The following FCRLB variants were observed in gnomAD, a reference collection of about 807,000 sequenced individuals.
FCRLB encodes Fc receptor-like B.
A neutral mutation model predicts 33.6 loss-of-function variants in FCRLB; 34 were observed. That is an observed-to-expected ratio of 1.01 (90% CI 0.77 to 1.35). FCRLB has a LOEUF of 1.35. Ranked by LOEUF, FCRLB falls within the 40% of genes most tolerant of loss-of-function variation. The pLI is 0.00. For missense variants in FCRLB, 560 were observed against 580.2 expected (o/e 0.97, Z 0.36); for synonymous variants, 280 against 255.9 (o/e 1.09, Z -0.90).
At position 161,725,887 on chromosome 1, in the gene FCRLB, G is replaced by A. The variant is rs1231208478; in HGVS notation, c.374G>A (p.Arg125His). ...GGTGAGCCGCTAGTCCTGCGCTGCC[G>A]CGGCTGGTACGACAAGGTGGTCTAC... Residue 125 changes from arginine (R) to histidine (H), a missense_variant, in exon 6 of 8, where the codon CGC becomes CAC. Coordinates refer to ENST00000367948, the Ensembl canonical transcript of FCRLB. The A allele has an allele frequency of 1.2e-6, 2 of 1,614,190 alleles. No homozygotes were observed. The highest frequency in any genetic ancestry group is 2.7e-5 in the African/African-American group (2 of 75,052).
At chr1:161,725,432 G>A (rs1440835827) in intron 5 of FCRLB, among the ~76,000 whole-genome samples, 1 of 152,174 alleles carries the variant, frequency 6.6e-6, no homozygotes, top group Non-Finnish European at 1.5e-5. Context: ...CCTGAGGTCA[G>A]GAGTTCAAGA....
At chr1:161,727,861 A>T in exon 8 of FCRLB, 1 of 615,832 alleles carries the variant, frequency 1.6e-6, no homozygotes, top group Non-Finnish European at 2.8e-6. Flanking sequence ...TTGAATTCTC[A>T]CAGAATTCAG....
exon 8 of FCRLB, chr1:161,727,380 C>T (rs747891882): frequency 2.5e-6 from 4 of 1,613,572 alleles, no homozygotes; most frequent in African/African-American, 2.7e-5. Flanking sequence ...CCGTCCGGAA[C>T]ACCACCTCCA....
intron 5 of FCRLB, among the ~76,000 whole-genome samples, chr1:161,725,140 T>C (rs1484508862): frequency 1.3e-5 from 2 of 152,106 alleles, no homozygotes; most frequent in African/African-American, 4.8e-5. Context: ...CAGGACCCAG[T>C]CAGGAGGACT....
chr1:161,724,664 A>G (rs1891020), intron 5 of FCRLB, among the ~76,000 whole-genome samples: 89,065 of 152,022 alleles, frequency 0.59, 27,449 homozygotes, highest in East Asian at 0.81. Context: ...TTCGGAAATC[A>G]TTGGTGATAG....
rs746809067 is a variant in FCRLB, at chr1:161,723,072, C to T, written c.52+63C>T. 1.3e-4 allele frequency: 204 copies of T among 1,589,808 alleles called. 1 individual carries two copies. The highest frequency in any genetic ancestry group is 1.7e-4 in the Non-Finnish European group (197 of 1,158,714). The stretch of plus-strand genomic sequence containing the variant: ...CTTCCACTCCAACCCCCTAAGTGAC[C>T]TTTTCAAGTAGACTCCTCACTTCTT... On this transcript the variant is annotated intron_variant, in intron 4 of 7. Transcript: ENST00000367948.
At chr1:161,724,201 T>C (rs537728586) in intron 5 of FCRLB, among the ~76,000 whole-genome samples, 7 of 152,264 alleles carry the variant, frequency 4.6e-5, no homozygotes, top group African/African-American at 1.7e-4. Flanking sequence ...TGCAGACGTG[T>C]ATATGTGTAC....
chr1:161,727,116 C>A (rs111734758), intron 7 of FCRLB, 123 bp downstream of exon 7: 1 of 1,338,500 alleles, frequency 7.5e-7, no homozygotes, highest in Non-Finnish European at 9.8e-7. Flanking sequence ...TCCCATCTCC[C>A]CTTCGCCGCC....
exon 8 of FCRLB, chr1:161,727,338 C>G: frequency 6.2e-7 from 1 of 1,613,736 alleles, no homozygotes; most frequent in Non-Finnish European, 8.5e-7. Flanking sequence ...TCAGAAAGCC[C>G]CCGGTGTCCA....
exon 8 of FCRLB, chr1:161,727,712 C>T (rs754422247): frequency 2.0e-6 from 3 of 1,510,306 alleles, no homozygotes; most frequent in Non-Finnish European, 2.7e-6. Context: ...TGGTCTCCTG[C>T]TTCCCCTCAC....
intron 4 of FCRLB, 136 bp from the exon 5 acceptor site, chr1:161,723,231 A>T (rs1344655772): frequency 8.7e-7 from 1 of 1,143,500 alleles, no homozygotes; most frequent in Non-Finnish European, 1.3e-6. Flanking sequence ...CCTCTCCTGC[A>T]GGGATGGGTT....
rs1046461630 is a variant in FCRLB, at chr1:161,726,598, C to G, written c.575-105C>G. 6.8e-7 allele frequency: 1 copy of G among 1,466,390 alleles called. No individual in the cohort carries two copies. Among genetic ancestry groups the G allele is most frequent in the African/African-American group, 1.4e-5 (1 of 71,706 alleles). 90.8% of individuals were successfully genotyped at this position (1,466,390 alleles called of 1,614,324 possible). A position where few individuals can be genotyped will look rare whatever the true frequency, so the allele number is the denominator to read the frequency against. On this transcript the variant is annotated intron_variant, in intron 6 of 7. Transcript: ENST00000367948. The surrounding 1 kb of genome is among the most constrained non-coding windows in gnomAD (Gnocchi z 5.2). ...GTGGACACACGGCCTCCTCCCCTCC[C>G]CCCTTGGTCTGTGGGTCTGCAAGGA...
chr1:161,726,957 C>A lies in FCRLB; in HGVS notation c.829C>A (p.Arg277=). ...GGCGGCTACCGCCACCCGCAGTGTC[C>A]GGAAACGCAGTCCGTGGCTGCAGCT... Residue 277 remains arginine (R), a synonymous_variant, in exon 7 of 8, where the codon CGG becomes AGG. Coordinates refer to ENST00000367948, the Ensembl canonical transcript of FCRLB. This position sits in a 1 kb window ranked among gnomAD's most constrained non-coding sequence, Gnocchi z 5.2. 1 of 1,543,578 alleles carries A rather than the reference C, an allele frequency of 6.5e-7. No homozygotes were observed.
intron 2 of FCRLB, among the ~76,000 whole-genome samples, chr1:161,722,244 C>A (rs1244594504): frequency 6.6e-6 from 1 of 152,134 alleles, no homozygotes; most frequent in East Asian, 1.9e-4. Flanking sequence ...GGACATGAGG[C>A]CGTGTCTTCC....
rs1000600589 is a variant in FCRLB at position 161,726,144 on chromosome 1, A to G, written c.574+57A>G. ...CAAATGAGCATTGAGAAATTCTGGG[A>G]CAGGAGCTCGGCGAGAAAAGAAGGG... On this transcript the variant is annotated intron_variant, in intron 6 of 7. Transcript: ENST00000367948. The surrounding 1 kb of genome is among the most constrained non-coding windows in gnomAD (Gnocchi z 5.2). The G allele has an allele frequency of 1.9e-6, 3 of 1,610,282 alleles. No individual in the cohort carries two copies. Among genetic ancestry groups the G allele is most frequent in the Non-Finnish European group, 2.5e-6 (3 of 1,177,710 alleles).
intron 7 of FCRLB, 93 bp from the exon 8 acceptor site, chr1:161,727,154 C>T (rs1038032372): frequency 1.4e-5 from 19 of 1,390,784 alleles, no homozygotes; most frequent in Non-Finnish European, 1.7e-5. Context: ...TCCGGCCTTC[C>T]CCATCCCCGC....
intron 2 of FCRLB, 27 bp downstream of exon 2, chr1:161,721,877 G>A (rs1331979744): frequency 6.6e-6 from 1 of 152,478 alleles, no homozygotes; most frequent in Non-Finnish European, 1.5e-5. Flanking sequence ...CTGGGGCGTG[G>A]CTGGGGAGGG....
chr1:161,722,663 C>T, exon 3 of FCRLB: 1 of 1,614,084 alleles, frequency 6.2e-7, no homozygotes. Flanking sequence ...CTGCTGCAGT[C>T]AGATCCATCA....
chr1:161,725,673 A>G, intron 5 of FCRLB, 148 bp from the exon 6 acceptor site: 1 of 1,050,158 alleles, frequency 9.5e-7, no homozygotes, highest in South Asian at 1.7e-5. Context: ...AAAAAAAGAA[A>G]GAAAAAGAAA....
Sources: gnomAD v4.1 joint callset for allele counts (sites outside exome capture counted in the v4.1 genomes callset) on GRCh38, gnomAD v4.1.1 for gene constraint, Gnocchi (gnomAD v3.1) non-coding constraint, MANE v1.5 for transcripts, NCBI Gene and HGNC (gene_info 2026-07-23, HGNC 2026-07-21) for gene names.